RARB: variants seen among roughly 807,000 people sequenced by gnomAD.
The protein encoded by RARB is HBV-activated protein.
A neutral mutation model predicts 51.9 loss-of-function variants in RARB; 17 were observed. The observed-to-expected ratio is 0.33, with a 90% CI of 0.22 to 0.49. The LOEUF (loss-of-function observed/expected upper bound fraction) is 0.49, where lower values mean the gene tolerates loss of function less well. Among genes scored for constraint, RARB ranks in the 20% least tolerant of loss-of-function variants. RARB has a pLI of 0.99. For synonymous variants in RARB, 215 were observed against 195.4 expected (o/e 1.10, Z -0.84); for missense variants, 369 against 550.8 (o/e 0.67, Z 3.30).
At chr3:25,288,865 C>T (rs1460695177) in intron 5 of RARB, among the ~76,000 whole-genome samples, 1 of 151,960 alleles carries the variant, frequency 6.6e-6, no homozygotes, top group Non-Finnish European at 1.5e-5. Context: ...TTCTCTTCTT[C>T]TTAGCCCTCC....
At chr3:24,883,920 G>A (rs1379758502) in intron 2 of RARB, among the ~76,000 whole-genome samples, 1 of 151,944 alleles carries the variant, frequency 6.6e-6, no homozygotes, top group African/African-American at 2.4e-5. Context: ...GCTCTATGTG[G>A]TTATTTAATT....
chr3:25,551,755 C>T (rs1575511325), intron 3 of RARB, among the ~76,000 whole-genome samples: 1 of 152,100 alleles, frequency 6.6e-6, no homozygotes. Context: ...CCCAGAGATA[C>T]AGAATTCTTT....
At chr3:25,564,037 T>C (rs1270653816) in intron 3 of RARB, among the ~76,000 whole-genome samples, 2 of 152,014 alleles carry the variant, frequency 1.3e-5, no homozygotes, top group East Asian at 3.9e-4. Context: ...ATCTTTTGCA[T>C]GTTTCCTGCA....
chr3:25,511,278 G>A (rs1001668859), intron 3 of RARB, among the ~76,000 whole-genome samples: 3 of 152,016 alleles, frequency 2.0e-5, no homozygotes, highest in Non-Finnish European at 2.9e-5. Flanking sequence ...GACTACAGGC[G>A]CCCGCCACCA....
At chr3:25,338,230 T>A (rs1276482815) in intron 5 of RARB, among the ~76,000 whole-genome samples, 1 of 152,078 alleles carries the variant, frequency 6.6e-6, no homozygotes, top group East Asian at 1.9e-4. Flanking sequence ...TCCTAATCCA[T>A]TGCATTTCAG....
chr3:24,887,254 G>T (rs1196626798), intron 2 of RARB, among the ~76,000 whole-genome samples: 2 of 152,164 alleles, frequency 1.3e-5, no homozygotes, highest in Non-Finnish European at 2.9e-5. Context: ...GAGACAAAAG[G>T]ATACTTTGAT....
intron 3 of RARB, among the ~76,000 whole-genome samples, chr3:25,555,847 C>A (rs1700035684): frequency 6.6e-6 from 1 of 152,110 alleles, no homozygotes; most frequent in South Asian, 2.1e-4. Context: ...CTGCCTCTAC[C>A]TTAGAAGGCA....
At chr3:25,136,104 G>T (rs917099356) in intron 4 of RARB, among the ~76,000 whole-genome samples, 1 of 151,848 alleles carries the variant, frequency 6.6e-6, no homozygotes, top group Non-Finnish European at 1.5e-5. Context: ...TAAGAATAAC[G>T]TGCTGTCCGA....
intron 3 of RARB, among the ~76,000 whole-genome samples, chr3:25,083,222 G>A (rs1699042843): frequency 6.6e-6 from 1 of 151,906 alleles, no homozygotes; most frequent in Non-Finnish European, 1.5e-5. Flanking sequence ...GAAGATTACT[G>A]ATTATTTTTT....
Position 25,271,477 on chromosome 3 carries a change from C to T in RARB, c.178+96902C>T, listed in dbSNP as rs143838911. On this transcript the variant is annotated intron_variant, in intron 5 of 11. Coordinates refer to the RARB transcript ENST00000383772. ...CACGTTCCTTGGCCAAAGGCATCTA[C>T]ATTAGGAAAATTAGGTGCTTTCTGC... Among the ~76,000 whole-genome samples, 10 of 152,292 alleles carry T rather than the reference C, an allele frequency of 6.6e-5. No homozygotes were observed. The East Asian group carries it at 1.7e-3, about 26-fold the overall frequency.
intron 2 of RARB, among the ~76,000 whole-genome samples, chr3:25,011,732 T>C (rs1224839134): frequency 1.3e-5 from 2 of 152,252 alleles, no homozygotes; most frequent in East Asian, 1.9e-4. Flanking sequence ...ATGGAAACAA[T>C]GTCAAAGAAG....
At chr3:25,043,887 G>T (rs1407038206) in intron 2 of RARB, among the ~76,000 whole-genome samples, 1 of 152,114 alleles carries the variant, frequency 6.6e-6, no homozygotes, top group African/African-American at 2.4e-5. Context: ...TTATTTCGTG[G>T]CTCATTGAGG....
At chr3:25,111,583 G>GTTTTTTTTT (rs370598264) in intron 3 of RARB, among the ~76,000 whole-genome samples, 14 of 120,864 alleles carry the variant, frequency 1.2e-4, no homozygotes, top group African/African-American at 3.4e-4. Flanking sequence ...TCTAACAGTG[G>GTTTTTTTTT]TTTTTTTTTT....
rs3057218 is a variant in RARB, at chr3:24,883,356, TTGTGTGTGTGTGTG to T, written c.-380+24630_-380+24643del. Among the ~76,000 whole-genome samples the T allele has an allele frequency of 1.8e-3, 257 of 143,768 alleles. 1 individual carries two copies. The highest frequency in any genetic ancestry group is 4.7e-3 in the African/African-American group (184 of 39,514). The allele number at this position is 143,768 out of a possible 152,430, so 94.3% of individuals were successfully genotyped here. On this transcript the variant is annotated intron_variant, in intron 2 of 11. Transcript: ENST00000383772. ...TTTGAAGCCAGACTTTCAACAATCA[TTGTGTGTGTGTGTG>T]TGTGTGTGTGTGTGTGTGTGTGTGT...
chr3:25,103,586 A>G (rs987072861), intron 3 of RARB, among the ~76,000 whole-genome samples: 3 of 152,250 alleles, frequency 2.0e-5, no homozygotes, highest in Non-Finnish European at 4.4e-5. Context: ...AGGCGACAAC[A>G]GAAGGCCATC....
At chr3:24,949,487 T>A (rs781529884) in intron 2 of RARB, among the ~76,000 whole-genome samples, 3 of 152,248 alleles carry the variant, frequency 2.0e-5, no homozygotes, top group Non-Finnish European at 4.4e-5. Flanking sequence ...CAATTTAAGG[T>A]TTGTAATGTG....
Position 25,499,900 on chromosome 3 carries a change from T to A in RARB, c.307-1282T>A, listed in dbSNP as rs528507042. Among the ~76,000 whole-genome samples the A allele has an allele frequency of 3.0e-4, 46 of 152,334 alleles. 1 individual carries two copies. In the South Asian group the frequency reaches 9.3e-3, roughly 31 times the overall value. On this transcript the variant is annotated intron_variant, in intron 2 of 7. Coordinates refer to ENST00000330688, the MANE Select transcript of RARB (RefSeq NM_000965.5). ...GGGTTATTGTTCATCTGGTCAGAAA[T>A]GTTTTGCACCTACACTAGACAAAAA... is the stretch of plus-strand genomic sequence containing the variant.
intron 2 of RARB, among the ~76,000 whole-genome samples, chr3:25,468,304 C>G (rs1371708808): frequency 1.3e-5 from 2 of 150,426 alleles, no homozygotes; most frequent in Non-Finnish European, 2.9e-5. Context: ...TTTGTACGTC[C>G]AAGTGTGGAG....
intron 2 of RARB, among the ~76,000 whole-genome samples, chr3:25,494,636 C>A (rs1011838661): frequency 6.6e-6 from 1 of 152,192 alleles, no homozygotes; most frequent in Non-Finnish European, 1.5e-5. Context: ...AGGACAGGAA[C>A]CACCTTTGTA....
Sources: allele counts gnomAD v4.1 joint callset (sites outside exome capture counted in the v4.1 genomes callset), GRCh38; gene constraint gnomAD v4.1.1; transcripts MANE v1.5; gene names NCBI Gene and HGNC (gene_info 2026-07-23, HGNC 2026-07-21).